The following TBC1D8B variants were observed in gnomAD, a reference collection of about 807,000 sequenced individuals.
The protein encoded by TBC1D8B is RP11-321G1.1.
In TBC1D8B, 75 loss-of-function variants were observed where a neutral mutation model predicts 82.9. That is an observed-to-expected ratio of 0.90 (90% CI 0.75 to 1.10). The LOEUF is 1.10. Among genes scored for constraint, TBC1D8B ranks in the 50% least tolerant of loss-of-function variants. The pLI is 0.00. For missense variants in TBC1D8B, 794 were observed against 796.9 expected, an observed-to-expected ratio of 1.00 and a Z score of 0.04; for synonymous variants, 276 against 276.8, an observed-to-expected ratio of 1.00 and a Z score of 0.03.
rs750963796 is a variant in TBC1D8B at position 106,823,100 on chromosome X, A to G, written c.587-126A>G. On this transcript the variant is annotated intron_variant, in intron 4 of 20. Transcript: ENST00000357242. ...GCTTCAAATTTTTAACTAATCTTGA[A>G]CTCTAAACTATTTTAGCTGTTTATA... The G allele has an allele frequency of 1.4e-5, 10 of 723,008 alleles. No individual in the cohort carries two copies. In the East Asian group the frequency reaches 3.5e-4, roughly 25 times the overall value. 59.6% of individuals were successfully genotyped at this position (723,008 alleles called of 1,213,427 possible).
Position 106,826,091 on chromosome X carries a change from G to A in TBC1D8B, c.889G>A (p.Glu297Lys), listed in dbSNP as rs757778020. The A allele has an allele frequency of 8.3e-7, 1 of 1,209,000 alleles. No homozygotes were observed. The highest frequency in any genetic ancestry group is 1.8e-5 in the African/African-American group (1 of 57,102). Reference protein sequence around the residue: ...FNAFFRLPKGESLKEVHECFL... With the variant: ...FNAFFRLPKGKSLKEVHECFL... Reference sequence around the variant, plus strand: ...TGCCTTTTTTAGGCTGCCCAAAGGAGAGAGTTTGAAAGAAGTACATGAATG... The same window carrying A: ...TGCCTTTTTTAGGCTGCCCAAAGGAAAGAGTTTGAAAGAAGTACATGAATG... Residue 297 changes from glutamate (E) to lysine (K), a missense_variant, in exon 6 of 21, where the codon GAG (glutamate) becomes AAG (lysine). Glu to Lys is a moderately conservative substitution (Grantham distance 56). Coordinates refer to ENST00000357242, the MANE Select transcript of TBC1D8B (RefSeq NM_017752.3).
chrX:106,822,986 G>A (rs1273302949), intron 4 of TBC1D8B, among the ~76,000 whole-genome samples: 3 of 111,349 alleles, frequency 2.7e-5, no homozygotes, highest in Non-Finnish European at 5.7e-5. Flanking sequence ...ACTCCAGTCT[G>A]AGCAACAGAG....
At position 106,865,477 on chromosome X, in the gene TBC1D8B, G is replaced by A. The variant is rs889646324; in HGVS notation, c.2353-82G>A. ...CACAAATATTTTCTTCTAGCAGAGA[G>A]AGACTCTAAGGTAATTCAAAGAGAA... On this transcript the variant is annotated intron_variant, in intron 14 of 20. Transcript: ENST00000357242. 5.7e-5 allele frequency: 38 copies of A among 669,319 alleles called. 1 individual carries two copies. The highest frequency in any genetic ancestry group is 4.7e-4 in the Admixed American group (14 of 29,653). The allele number at this position is 669,319 out of a possible 1,213,427, so 55.2% of individuals were successfully genotyped here.
intron 1 of TBC1D8B, among the ~76,000 whole-genome samples, chrX:106,811,814 A>G (rs888880674): frequency 2.7e-5 from 3 of 111,620 alleles, no homozygotes; most frequent in African/African-American, 9.8e-5. Flanking sequence ...TAAATATAGT[A>G]CCAATTCTCA....
At chrX:106,819,887 T>C (rs1931649670) in intron 2 of TBC1D8B, among the ~76,000 whole-genome samples, 1 of 111,135 alleles carries the variant, frequency 9.0e-6, no homozygotes, top group African/African-American at 3.3e-5. Flanking sequence ...TGTAGTTACC[T>C]ACTAATGAAG....
intron 12 of TBC1D8B, among the ~76,000 whole-genome samples, chrX:106,852,277 G>C (rs1465758969): frequency 3.0e-5 from 3 of 101,097 alleles, no homozygotes; most frequent in South Asian, 4.9e-4. Flanking sequence ...TTTTTTTCTT[G>C]TAAATTTGTT....
chrX:106,814,060 A>G (rs1196154538), intron 1 of TBC1D8B: 1 of 95,076 alleles, frequency 1.1e-5, no homozygotes, highest in African/African-American at 4.1e-5. Context: ...TCGTATGTTC[A>G]TGTGTTCTCA....
At position 106,873,819 on chromosome X, in the gene TBC1D8B, C is replaced by A. The variant is rs748740451; in HGVS notation, c.3217C>A (p.Pro1073Thr). 1 of 1,210,390 alleles carries A rather than the reference C, an allele frequency of 8.3e-7. No homozygotes were observed. Among genetic ancestry groups the A allele is most frequent in the Admixed American group, 2.2e-5 (1 of 45,804 alleles). ...EKDPCSFREE[P>T]QWSFAFEQIL... ...AGATCCTTGTTCCTTTAGGGAGGAA[C>A]CTCAGTGGTCATTTGCATTTGAACA... The change falls in exon 21 of 21, where the codon CCT (proline) becomes ACT (threonine). Residue 1073 changes from proline to threonine, a missense_variant. Physicochemically the swap from Pro to Thr is conservative, Grantham distance 38. Coordinates refer to ENST00000357242, the MANE Select transcript of TBC1D8B (RefSeq NM_017752.3).
intron 20 of TBC1D8B, among the ~76,000 whole-genome samples, chrX:106,871,530 A>G (rs763482519): frequency 6.3e-5 from 7 of 111,988 alleles, no homozygotes; most frequent in Non-Finnish European, 1.1e-4. Context: ...ATCAACATAG[A>G]AGAAAATGTC....
intron 7 of TBC1D8B, among the ~76,000 whole-genome samples, 198 bp from the exon 8 acceptor site, chrX:106,839,110 C>T (rs1352701283): frequency 9.0e-6 from 1 of 111,629 alleles, no homozygotes; most frequent in African/African-American, 3.3e-5. Context: ...GGAGTGTGTT[C>T]ACAGGGGTTC....
At position 106,854,214 on chromosome X, in the gene TBC1D8B, G is replaced by T; in HGVS notation, c.2270G>T (p.Arg757Leu). The T allele has an allele frequency of 1.7e-6, 2 of 1,169,777 alleles. No individual in the cohort carries two copies. Among genetic ancestry groups the T allele is most frequent in the Non-Finnish European group, 2.3e-6 (2 of 876,457 alleles). ...RESNEKYGNI[R>L]YEDIHSMRCR... is the part of the protein sequence containing the mutation. ...CTCTTGCAGAAATATGGTAATATTC[G>T]CTATGAAGATATACATAGTATGCGC... Residue 757 changes from arginine to leucine, a missense_variant, in exon 14 of 21, where the codon CGC becomes CTC. Physicochemically the swap from Arg to Leu is moderately radical, Grantham distance 102. Coordinates refer to ENST00000357242, the MANE Select transcript of TBC1D8B (RefSeq NM_017752.3).
chrX:106,830,188 G>GA (rs1931996773), intron 7 of TBC1D8B: 1 of 112,237 alleles, frequency 8.9e-6, no homozygotes, highest in Non-Finnish European at 1.9e-5. Flanking sequence ...AAGAACACAT[G>GA]AAAAAATGCT....
rs1324006634 is a variant in TBC1D8B at position 106,823,279 on chromosome X, G to A, written c.640G>A (p.Val214Ile). ...CTCAAAACTTGAAAAGACTTCAAAT[G>A]TCATACTGACAGAGAGTATTCACGT... ...EVSKLEKTSN[V>I]ILTESIHVCS... Residue 214 changes from valine to isoleucine, a missense_variant, in exon 5 of 21, where the codon GTC (valine) becomes ATC (isoleucine). By Grantham distance (29) the Val-to-Ile change is conservative (BLOSUM62 3). Coordinates refer to ENST00000357242, the MANE Select transcript of TBC1D8B (RefSeq NM_017752.3). 3.3e-6 allele frequency: 4 copies of A among 1,207,533 alleles called. No homozygotes were observed. The highest frequency in any genetic ancestry group is 3.5e-5 in the African/African-American group (2 of 57,096).
chrX:106,817,369 A>G (rs1931573251), intron 1 of TBC1D8B, among the ~76,000 whole-genome samples: 1 of 111,361 alleles, frequency 9.0e-6, no homozygotes, highest in Non-Finnish European at 1.9e-5. Flanking sequence ...AGTACAGGTT[A>G]AACATCACTA....
intron 7 of TBC1D8B, among the ~76,000 whole-genome samples, chrX:106,833,906 G>A (rs568962530): frequency 3.4e-4 from 37 of 109,532 alleles, no homozygotes; most frequent in East Asian, 5.8e-4. Flanking sequence ...GTAACTCCTC[G>A]TTCAAACAGC....
chrX:106,833,829 A>C (rs1932101822), intron 7 of TBC1D8B, among the ~76,000 whole-genome samples: 1 of 111,464 alleles, frequency 9.0e-6, no homozygotes. Context: ...CATTTAAATT[A>C]AAGGAATGTG....
chrX:106,806,649 T>C (rs1931195884), intron 1 of TBC1D8B, among the ~76,000 whole-genome samples: 1 of 111,441 alleles, frequency 9.0e-6, no homozygotes, highest in African/African-American at 3.3e-5. Context: ...GAATTTTCCA[T>C]ATCTGAATAG....
rs190967368 is a variant in TBC1D8B, at chrX:106,869,614, G to A, written c.2869+73G>A. 296 of 850,894 alleles carry A rather than the reference G, an allele frequency of 3.5e-4. No individual in the cohort carries two copies. The African/African-American group carries it at 5.6e-3, about 16-fold the overall frequency. 70.1% of individuals were successfully genotyped at this position (850,894 alleles called of 1,213,427 possible). On this transcript the variant is annotated intron_variant, in intron 19 of 20. Transcript: ENST00000357242. ...GTAAATAAGGATAGCTACAAAGGGG[G>A]AAAAGGTGGATTCCTTTTAAAGGCT... is the stretch of plus-strand genomic sequence containing the variant.
chrX:106,842,172 T>C (rs1932323725), intron 10 of TBC1D8B, among the ~76,000 whole-genome samples: 1 of 110,534 alleles, frequency 9.0e-6, no homozygotes, highest in Non-Finnish European at 1.9e-5. Flanking sequence ...ATGGAACATC[T>C]AAATGGCAAG....
Sources: gnomAD v4.1 joint callset for allele counts (sites outside exome capture counted in the v4.1 genomes callset) on GRCh38, gnomAD v4.1.1 for gene constraint, MANE v1.5 for transcripts, NCBI Gene and HGNC (gene_info 2026-07-23, HGNC 2026-07-21) for gene names.